The following LUZP2 variants were observed in gnomAD, a reference collection of about 807,000 sequenced individuals.
LUZP2 encodes leucine zipper protein 2.
In LUZP2, 52 loss-of-function variants were observed where a neutral mutation model predicts 51.6. The ratio of observed to expected loss-of-function variants is 1.01; its 90% CI spans 0.81 to 1.27. The LOEUF (loss-of-function observed/expected upper bound fraction) is 1.27. Among genes scored for constraint, LUZP2 ranks in the 50% most tolerant of loss-of-function variants. The pLI is 0.00. For missense variants in LUZP2, 436 were observed against 395.4 expected (o/e 1.10, Z -0.87); for synonymous variants, 154 against 137.3 (o/e 1.12, Z -0.85).
chr11:25,004,565 CT>C (rs954991199), intron 9 of LUZP2, among the ~76,000 whole-genome samples: 1 of 152,102 alleles, frequency 6.6e-6, no homozygotes, highest in Non-Finnish European at 1.5e-5. Flanking sequence ...ATAAACTTAT[CT>C]TTTAGAATCA....
chr11:24,651,737 C>A (rs1455796121), intron 1 of LUZP2, among the ~76,000 whole-genome samples: 1 of 152,050 alleles, frequency 6.6e-6, no homozygotes, highest in Non-Finnish European at 1.5e-5. Flanking sequence ...AGTAGACTTT[C>A]AATAAAGCAG....
At chr11:24,789,101 G>T (rs1372543771) in intron 5 of LUZP2, among the ~76,000 whole-genome samples, 1 of 152,126 alleles carries the variant, frequency 6.6e-6, no homozygotes. Context: ...ACCCTTGGTG[G>T]TGTACATTTC....
chr11:25,030,106 T>A (rs946114969), intron 9 of LUZP2, among the ~76,000 whole-genome samples: 1 of 152,158 alleles, frequency 6.6e-6, no homozygotes, highest in Non-Finnish European at 1.5e-5. Flanking sequence ...CCAACCTTTG[T>A]GTGTTTGCAT....
intron 1 of LUZP2, among the ~76,000 whole-genome samples, chr11:24,696,621 G>T (rs928482664): frequency 6.6e-6 from 1 of 151,858 alleles, no homozygotes; most frequent in Non-Finnish European, 1.5e-5. Context: ...CTTGACTCTG[G>T]TAGGGGATTG....
chr11:24,793,476 G>A (rs1849462722), intron 5 of LUZP2, among the ~76,000 whole-genome samples: 1 of 152,102 alleles, frequency 6.6e-6, no homozygotes, highest in Non-Finnish European at 1.5e-5. Context: ...AGACTTTTAT[G>A]GATCCTCTTG....
chr11:25,073,624 A>G (rs1859219552), intron 10 of LUZP2, among the ~76,000 whole-genome samples: 1 of 152,084 alleles, frequency 6.6e-6, no homozygotes, highest in East Asian at 1.9e-4. Flanking sequence ...TTATTGTTAA[A>G]AAAGGAGCAT....
At chr11:25,025,238 A>G (rs752474856) in intron 9 of LUZP2, among the ~76,000 whole-genome samples, 3 of 152,120 alleles carry the variant, frequency 2.0e-5, no homozygotes, top group Non-Finnish European at 4.4e-5. Flanking sequence ...AGGCATAGGC[A>G]AGGACTTCAT....
chr11:24,744,066 C>G (rs940353611), intron 4 of LUZP2, among the ~76,000 whole-genome samples: 4 of 151,996 alleles, frequency 2.6e-5, no homozygotes, highest in African/African-American at 9.7e-5. Context: ...GTATAAAACC[C>G]ACTTGATCAT....
intron 5 of LUZP2, among the ~76,000 whole-genome samples, chr11:24,796,680 A>G (rs944592012): frequency 1.3e-5 from 2 of 152,102 alleles, no homozygotes; most frequent in African/African-American, 4.8e-5. Context: ...CTTGTGGTCT[A>G]ATTGGACCAA....
chr11:24,590,000 A>AT (rs1276928013), intron 1 of LUZP2, among the ~76,000 whole-genome samples: 1 of 152,104 alleles, frequency 6.6e-6, no homozygotes, highest in Admixed American at 6.6e-5. Flanking sequence ...TATATGGACT[A>AT]TTTTTTGTGT....
chr11:24,697,083 G>A (rs2133900671), intron 1 of LUZP2, among the ~76,000 whole-genome samples: 1 of 152,204 alleles, frequency 6.6e-6, no homozygotes, highest in East Asian at 1.9e-4. Flanking sequence ...GTCTGTTAAG[G>A]TCAAGGAAAA....
chr11:24,750,923 C>T (rs1859556761), intron 4 of LUZP2, among the ~76,000 whole-genome samples: 1 of 152,090 alleles, frequency 6.6e-6, no homozygotes, highest in Non-Finnish European at 1.5e-5. Context: ...AAATGATATT[C>T]TTGACTTTCT....
rs535548103 is a variant in LUZP2 at position 24,859,431 on chromosome 11, C to T, written c.397-46560C>T. The stretch of plus-strand genomic sequence containing the variant: ...ATGAATCACAGATGTAAATGTAAGA[C>T]CTAAAACTATACAATTTTAAAAATG... On this transcript the variant is annotated intron_variant, in intron 5 of 11. Transcript: ENST00000336930. 3.3e-5 allele frequency among the ~76,000 whole-genome samples: 5 copies of T among 152,132 alleles called. No homozygotes were observed. The South Asian group carries it at 1.0e-3, about 32-fold the overall frequency.
intron 9 of LUZP2, among the ~76,000 whole-genome samples, chr11:25,010,938 C>T (rs934250857): frequency 2.0e-5 from 3 of 152,114 alleles, no homozygotes; most frequent in African/African-American, 4.8e-5. Flanking sequence ...GTCACAAGTA[C>T]TCCCAATTAA....
chr11:24,647,569 T>G (rs891456600), intron 1 of LUZP2, among the ~76,000 whole-genome samples: 2 of 151,966 alleles, frequency 1.3e-5, no homozygotes, highest in East Asian at 3.9e-4. Context: ...TAATGATATA[T>G]GAAACATTTT....
intron 7 of LUZP2, among the ~76,000 whole-genome samples, chr11:24,940,263 G>A (rs1004504490): frequency 6.6e-6 from 1 of 152,014 alleles, no homozygotes; most frequent in African/African-American, 2.4e-5. Flanking sequence ...CTAATTTAAA[G>A]TTAACTACTT....
intron 5 of LUZP2, among the ~76,000 whole-genome samples, chr11:24,861,075 A>G (rs2134244987): frequency 6.6e-6 from 1 of 152,314 alleles, no homozygotes; most frequent in East Asian, 1.9e-4. Context: ...AGATTTGAAG[A>G]ACTGCTAACT....
At chr11:24,717,197 G>A (rs11028121) in intron 1 of LUZP2, among the ~76,000 whole-genome samples, 4,302 of 152,062 alleles carry the variant, frequency 0.028, 190 homozygotes, top group African/African-American at 0.097. Flanking sequence ...TTCAAGCAAA[G>A]GTTAGTAGTT....
At chr11:25,052,332 A>G (rs999602395) in intron 10 of LUZP2, among the ~76,000 whole-genome samples, 2 of 152,204 alleles carry the variant, frequency 1.3e-5, no homozygotes, top group Non-Finnish European at 2.9e-5. Flanking sequence ...AATAGTGTCA[A>G]CCGAAGAGTA....
Sources: allele counts gnomAD v4.1 joint callset (sites outside exome capture counted in the v4.1 genomes callset), GRCh38; gene constraint gnomAD v4.1.1; transcripts MANE v1.5; gene names NCBI Gene and HGNC (gene_info 2026-07-23, HGNC 2026-07-21).